Variants in DGCR2 observed in about 807,000 individuals in gnomAD.
The protein encoded by DGCR2 is DiGeorge syndrome critical region gene 2.
A neutral mutation model predicts 51.6 loss-of-function variants in DGCR2; 24 were observed. The observed-to-expected ratio is 0.47, with a 90% CI of 0.34 to 0.65. The LOEUF (loss-of-function observed/expected upper bound fraction) is 0.65, where lower values mean the gene tolerates loss of function less well. Among genes scored for constraint, DGCR2 ranks in the 30% least tolerant of loss-of-function variants. The pLI is 0.01. For synonymous variants in DGCR2, 340 were observed against 315.4 expected, an observed-to-expected ratio of 1.08 and a Z score of -0.82; for missense variants, 765 against 772.1, an observed-to-expected ratio of 0.99 and a Z score of 0.11.
In DGCR2 at chr22:19,086,495, A is replaced by G. The variant is rs183610382; in HGVS notation, c.202+2873T>C. Among the ~76,000 whole-genome samples, 3 of 152,204 alleles carry G rather than the reference A, an allele frequency of 2.0e-5. No homozygotes were observed. The East Asian group carries it at 5.8e-4, about 29-fold the overall frequency. On this transcript the variant is annotated intron_variant, in intron 2 of 9. Coordinates refer to ENST00000263196, the MANE Select transcript of DGCR2 (RefSeq NM_005137.3). ...CTCCATCTCAAATAAAAAAAAAAGA[A>G]ATCAATCTGCTCACCCTCCAGACTG...
chr22:19,069,531 T>A (rs997818195), intron 2 of DGCR2, among the ~76,000 whole-genome samples: 1 of 152,222 alleles, frequency 6.6e-6, no homozygotes, highest in East Asian at 1.9e-4. Flanking sequence ...CACAAATCTT[T>A]AAGAATACTG....
intron 7 of DGCR2, chr22:19,045,250 A>C (rs2082475992): frequency 1.3e-5 from 2 of 152,270 alleles, no homozygotes; most frequent in Admixed American, 1.3e-4. Context: ...CCTTTGTCAA[A>C]GATTAGGCTG....
intron 1 of DGCR2, among the ~76,000 whole-genome samples, chr22:19,093,362 A>G (rs1242414365): frequency 2.5e-4 from 14 of 55,914 alleles, no homozygotes; most frequent in African/African-American, 7.7e-4. Context: ...CTCCACCTCG[A>G]AAAAAAAAAA....
At chr22:19,061,165 A>C in intron 5 of DGCR2, 5 of 216,212 alleles carry the variant, frequency 2.3e-5, no homozygotes, top group Admixed American at 5.9e-5. Context: ...AACACCTCAG[A>C]CCCCAATGAC....
At chr22:19,064,056 G>T (rs1002309358) in intron 4 of DGCR2, among the ~76,000 whole-genome samples, 2 of 152,202 alleles carry the variant, frequency 1.3e-5, no homozygotes, top group Non-Finnish European at 2.9e-5. Context: ...AAAGGACCTT[G>T]CACTGGCATC....
chr22:19,062,697 C>T (rs746724481), intron 5 of DGCR2, among the ~76,000 whole-genome samples: 1 of 151,632 alleles, frequency 6.6e-6, no homozygotes, highest in Non-Finnish European at 1.5e-5. Flanking sequence ...AAGGAAACAG[C>T]AGCCATGTTT....
chr22:19,062,774 T>TTCTCTCTCTCTCTCTC (rs1569052709), intron 5 of DGCR2, among the ~76,000 whole-genome samples: 3 of 113,868 alleles, frequency 2.6e-5, no homozygotes, highest in Non-Finnish European at 5.7e-5. Context: ...CACACATGCA[T>TTCTCTCTCTCTCTCTC]GCTCACTCTC....
chr22:19,063,157 G>T (rs1262927827), intron 5 of DGCR2, 45 bp downstream of exon 5: 15 of 1,571,124 alleles, frequency 9.5e-6, no homozygotes, highest in Non-Finnish European at 1.2e-5. Flanking sequence ...GAATCAGGGT[G>T]ACTCTGCCCA....
At chr22:19,104,141 T>C (rs896195831) in intron 1 of DGCR2, among the ~76,000 whole-genome samples, 23 of 152,100 alleles carry the variant, frequency 1.5e-4, no homozygotes, top group African/African-American at 5.6e-4. Flanking sequence ...CTTGTGAGGA[T>C]GAGAGAAAGG....
chr22:19,103,242 G>C (rs897257024), intron 1 of DGCR2, among the ~76,000 whole-genome samples: 1 of 151,108 alleles, frequency 6.6e-6, no homozygotes, highest in Non-Finnish European at 1.5e-5. Context: ...GGGGAATTGG[G>C]GAGTTACTGT....
At chr22:19,074,540 C>T (rs1370897243) in intron 2 of DGCR2, among the ~76,000 whole-genome samples, 3 of 152,142 alleles carry the variant, frequency 2.0e-5, no homozygotes, top group Non-Finnish European at 4.4e-5. Flanking sequence ...GGCCCAGACT[C>T]ACCCACCAGG....
intron 1 of DGCR2, among the ~76,000 whole-genome samples, chr22:19,101,040 A>G (rs1428712710): frequency 6.6e-6 from 1 of 151,868 alleles, no homozygotes; most frequent in Non-Finnish European, 1.5e-5. Context: ...TCGGAGGTGG[A>G]TGGTCCTTTG....
chr22:19,066,901 A>G (rs2145973887), intron 3 of DGCR2, among the ~76,000 whole-genome samples: 1 of 152,346 alleles, frequency 6.6e-6, no homozygotes, highest in South Asian at 2.1e-4. Context: ...CCCCTTCCCT[A>G]CAGGTGGCCT....
At chr22:19,076,253 T>A (rs182645125) in intron 2 of DGCR2, among the ~76,000 whole-genome samples, 4 of 150,106 alleles carry the variant, frequency 2.7e-5, no homozygotes, top group African/African-American at 1.0e-4. Flanking sequence ...TTTCGCCTCC[T>A]GGGTTCAAGT....
intron 1 of DGCR2, among the ~76,000 whole-genome samples, chr22:19,097,551 CG>C (rs1422916059): frequency 1.3e-5 from 2 of 150,708 alleles, no homozygotes; most frequent in Non-Finnish European, 3.0e-5. Context: ...GGCTCTGTCT[CG>C]AAAAAAAAAG....
At chr22:19,077,260 T>C (rs148517538) in intron 2 of DGCR2, among the ~76,000 whole-genome samples, 3 of 152,368 alleles carry the variant, frequency 2.0e-5, no homozygotes, top group South Asian at 2.1e-4. Flanking sequence ...TAAGAAATCA[T>C]TGCCAAATCC....
At chr22:19,078,503 G>A (rs940532114) in intron 2 of DGCR2, among the ~76,000 whole-genome samples, 3 of 152,068 alleles carry the variant, frequency 2.0e-5, no homozygotes, top group African/African-American at 4.8e-5. Context: ...AAATCATGTC[G>A]TCACACATAC....
At chr22:19,120,517 T>C (rs1220816101) in intron 1 of DGCR2, among the ~76,000 whole-genome samples, 1 of 152,200 alleles carries the variant, frequency 6.6e-6, no homozygotes, top group Non-Finnish European at 1.5e-5. Flanking sequence ...CACAGGCACT[T>C]TCTCAGTTGC....
At chr22:19,060,126 G>C (rs939141894) in intron 5 of DGCR2, among the ~76,000 whole-genome samples, 4 of 152,168 alleles carry the variant, frequency 2.6e-5, no homozygotes, top group African/African-American at 7.2e-5. Flanking sequence ...CCCCATCCTA[G>C]ACCAATGGTC....
Sources: allele counts gnomAD v4.1 joint callset (sites outside exome capture counted in the v4.1 genomes callset), GRCh38; gene constraint gnomAD v4.1.1; transcripts MANE v1.5; gene names NCBI Gene and HGNC (gene_info 2026-07-23, HGNC 2026-07-21).